The following RALYL variants were observed in gnomAD, a reference collection of about 807,000 sequenced individuals.
The protein encoded by RALYL is RNA-binding Raly-like protein.
Under a neutral mutation model 35.1 loss-of-function variants are expected in RALYL, and 29 were observed. The ratio of observed to expected loss-of-function variants is 0.83; its 90% CI spans 0.61 to 1.13. RALYL has a LOEUF of 1.13. Ranked by LOEUF, RALYL falls within the 50% of genes most tolerant of loss-of-function variation. RALYL has a pLI of 0.00. For synonymous variants in RALYL, 120 were observed against 127.6 expected (o/e 0.94, Z 0.40); for missense variants, 359 against 360.4 (o/e 1.00, Z 0.03).
chr8:84,418,055 A>G (rs774796058), intron 1 of RALYL, among the ~76,000 whole-genome samples: 9 of 152,140 alleles, frequency 5.9e-5, no homozygotes, highest in Non-Finnish European at 1.2e-4. Flanking sequence ...GTAATGCATC[A>G]CCTGGTTTTT....
At chr8:84,439,476 CTT>C (rs1431728641) in intron 1 of RALYL, among the ~76,000 whole-genome samples, 1 of 152,052 alleles carries the variant, frequency 6.6e-6, no homozygotes, top group Non-Finnish European at 1.5e-5. Context: ...AGATAGAAGA[CTT>C]TTCCAATCTG....
intron 1 of RALYL, among the ~76,000 whole-genome samples, chr8:84,194,156 A>G (rs1814653513): frequency 6.6e-6 from 1 of 152,218 alleles, no homozygotes; most frequent in South Asian, 2.1e-4. Context: ...CTAAGAAAGG[A>G]AGACACTGCT....
Position 84,680,096 on chromosome 8 carries a change from C to G in RALYL, c.257-94483C>G, listed in dbSNP as rs561373482. On this transcript the variant is annotated intron_variant, in intron 2 of 8. Transcript: ENST00000521268. ...ATTCCCACCTATGAGTGAGAACATGCGGTGTTTGGTTTTTTGTCCTTGCGA... is the reference window on the plus strand; with the variant it reads ...ATTCCCACCTATGAGTGAGAACATGGGGTGTTTGGTTTTTTGTCCTTGCGA... Among the ~76,000 whole-genome samples, 607 of 151,894 alleles carry G rather than the reference C, an allele frequency of 4.0e-3. 2 individuals carry two copies. The highest frequency in any genetic ancestry group is 6.8e-3 in the Admixed American group (104 of 15,234).
At chr8:84,253,282 C>T (rs369611237) in intron 1 of RALYL, among the ~76,000 whole-genome samples, 5 of 143,862 alleles carry the variant, frequency 3.5e-5, no homozygotes, top group Admixed American at 2.2e-4. Flanking sequence ...CTCCACCTTC[C>T]GGGTTCAAGC....
At chr8:84,256,606 G>A (rs1281957486) in intron 1 of RALYL, among the ~76,000 whole-genome samples, 2 of 152,030 alleles carry the variant, frequency 1.3e-5, no homozygotes, top group Non-Finnish European at 2.9e-5. Context: ...ACTGGACTTA[G>A]GTAACAGAAA....
chr8:84,458,424 C>G (rs2050382933), intron 1 of RALYL, among the ~76,000 whole-genome samples: 1 of 151,752 alleles, frequency 6.6e-6, no homozygotes, highest in African/African-American at 2.4e-5. Context: ...GGGTTCTATA[C>G]TGTATCTAGA....
chr8:84,679,303 TCATATACAGTGATG>T (rs1218064471), intron 2 of RALYL: 2 of 242,412 alleles, frequency 8.3e-6, no homozygotes, highest in East Asian at 2.2e-4. Context: ...AAACCTGATG[TCATATACAGTGATG>T]TTGTTGGCTG....
At chr8:84,544,591 C>G (rs1244529333) in intron 2 of RALYL, among the ~76,000 whole-genome samples, 1 of 151,976 alleles carries the variant, frequency 6.6e-6, no homozygotes, top group Admixed American at 6.6e-5. Flanking sequence ...CTTTTCTTAT[C>G]ATTAGTTACA....
intron 1 of RALYL, among the ~76,000 whole-genome samples, chr8:84,312,610 A>G (rs901311955): frequency 6.6e-6 from 1 of 152,224 alleles, no homozygotes; most frequent in African/African-American, 2.4e-5. Flanking sequence ...TGGTGGGGGC[A>G]GTCATTAAAT....
intron 1 of RALYL, among the ~76,000 whole-genome samples, chr8:84,411,708 C>T (rs1167118997): frequency 1.3e-5 from 2 of 151,886 alleles, no homozygotes; most frequent in African/African-American, 4.8e-5. Flanking sequence ...AAGTTTCAAC[C>T]ATTGATTATT....
chr8:84,523,449 C>A (rs2058625406), intron 1 of RALYL, among the ~76,000 whole-genome samples: 1 of 152,088 alleles, frequency 6.6e-6, no homozygotes, highest in Non-Finnish European at 1.5e-5. Flanking sequence ...GGTGGGGACA[C>A]AAGGACAATC....
intron 4 of RALYL, among the ~76,000 whole-genome samples, chr8:84,822,429 C>T (rs930978645): frequency 3.9e-5 from 6 of 152,160 alleles, no homozygotes; most frequent in Admixed American, 3.3e-4. Context: ...GATAGCATTG[C>T]TGCCCTTTCT....
chr8:84,327,135 A>G (rs1301263447), intron 1 of RALYL, among the ~76,000 whole-genome samples: 1 of 152,146 alleles, frequency 6.6e-6, no homozygotes, highest in Non-Finnish European at 1.5e-5. Context: ...GGGGTGGTAG[A>G]GCCTAGGAAT....
At chr8:84,250,763 T>C (rs1024016504) in intron 1 of RALYL, among the ~76,000 whole-genome samples, 3 of 152,168 alleles carry the variant, frequency 2.0e-5, no homozygotes, top group African/African-American at 7.2e-5. Context: ...TCATGTACTT[T>C]CTTGGAGACT....
chr8:84,446,741 C>T (rs1415867479), intron 1 of RALYL, among the ~76,000 whole-genome samples: 1 of 151,968 alleles, frequency 6.6e-6, no homozygotes, highest in East Asian at 1.9e-4. Flanking sequence ...AGAGAGAGGG[C>T]TGTCCAAGGT....
chr8:84,418,109 T>C (rs73306318), intron 1 of RALYL, among the ~76,000 whole-genome samples: 4,700 of 152,242 alleles, frequency 0.031, 242 homozygotes, highest in African/African-American at 0.11. Context: ...TGATTTAAGT[T>C]CCTAAGTATT....
At chr8:84,900,119 G>A (rs1845417674) in intron 8 of RALYL, among the ~76,000 whole-genome samples, 1 of 152,148 alleles carries the variant, frequency 6.6e-6, no homozygotes, top group African/African-American at 2.4e-5. Flanking sequence ...CAAATCTAGA[G>A]TATAAATATT....
intron 1 of RALYL, among the ~76,000 whole-genome samples, chr8:84,191,763 AATAT>A (rs1712153937): frequency 6.6e-6 from 1 of 152,216 alleles, no homozygotes; most frequent in South Asian, 2.1e-4. Context: ...ACTCTAAATA[AATAT>A]ATAAAAAAGA....
chr8:84,627,531 T>TCTTTCTTCCTGCAGAAGAAAGAAACA (rs545634896), intron 2 of RALYL, among the ~76,000 whole-genome samples: 7 of 150,538 alleles, frequency 4.6e-5, no homozygotes, highest in South Asian at 2.1e-4. Flanking sequence ...ATACAGCATT[T>TCTTTCTTCCTGCAGAAGAAAGAAACA]CTTTCTTCCT....
Sources: allele counts gnomAD v4.1 joint callset (sites outside exome capture counted in the v4.1 genomes callset), GRCh38; gene constraint gnomAD v4.1.1; transcripts MANE v1.5; gene names NCBI Gene and HGNC (gene_info 2026-07-23, HGNC 2026-07-21).